RRP1B: variants seen among roughly 807,000 people sequenced by gnomAD.
RRP1B encodes ribosomal RNA processing protein 1 homolog B.
Under a neutral mutation model 80.2 loss-of-function variants are expected in RRP1B, and 56 were observed. That is an observed-to-expected ratio of 0.70 (90% confidence interval 0.56 to 0.87). The LOEUF (loss-of-function observed/expected upper bound fraction) is 0.87, where lower values mean the gene tolerates loss of function less well. Among genes scored for constraint, RRP1B ranks in the 40% least tolerant of loss-of-function variants. RRP1B has a pLI of 0.00. For missense variants in RRP1B, 807 were observed against 939.8 expected (o/e 0.86, Z 1.85); for synonymous variants, 351 against 357.6 (o/e 0.98, Z 0.21).
chr21:43,673,400 G>A (rs868456591), intron 3 of RRP1B, among the ~76,000 whole-genome samples: 10 of 152,156 alleles, frequency 6.6e-5, no homozygotes, highest in Non-Finnish European at 8.8e-5. Flanking sequence ...TTGGGAGGCC[G>A]AGGTGGGTGG....
chr21:43,675,769 A>C (rs1463074722), intron 6 of RRP1B, among the ~76,000 whole-genome samples: 2 of 152,196 alleles, frequency 1.3e-5, no homozygotes, highest in Non-Finnish European at 2.9e-5. Context: ...TGAGAGCTGC[A>C]TGGGGCCCAG....
chr21:43,666,900 G>GA (rs35446318), intron 1 of RRP1B, among the ~76,000 whole-genome samples: 108,776 of 152,036 alleles, frequency 0.72, 39,863 homozygotes, highest in African/African-American at 0.87. Context: ...TTATTTGTTG[G>GA]GGACATAGGT....
rs757524595 is a variant in RRP1B at position 43,676,256 on chromosome 21, T to G, written c.550-16T>G. On this transcript the variant is annotated splice_polypyrimidine_tract_variant and intron_variant, in intron 6 of 15. Transcript: ENST00000340648. The stretch of plus-strand genomic sequence containing the variant: ...GAAAGGCTCTTTCTCAATTTTTCCC[T>G]TTTTCTAAATTACAGCTTTTAGCAG... 6.3e-7 allele frequency: 1 copy of G among 1,588,000 alleles called. No homozygotes were observed. The highest frequency in any genetic ancestry group is 1.8e-5 in the Admixed American group (1 of 56,594).
chr21:43,676,194 T>C (rs1404234930), intron 6 of RRP1B, 78 bp from the exon 7 acceptor site: 1 of 1,052,794 alleles, frequency 9.5e-7, no homozygotes, highest in Non-Finnish European at 1.4e-6. Flanking sequence ...TTGTAAAAGA[T>C]GGGAATGGTC....
intron 8 of RRP1B, 62 bp downstream of exon 8, chr21:43,676,976 G>A: frequency 6.6e-7 from 1 of 1,503,828 alleles, no homozygotes; most frequent in Non-Finnish European, 9.1e-7. Context: ...CAGACAAACA[G>A]TTTTTAATAC....
chr21:43,673,202 A>G (rs1047453321), intron 3 of RRP1B, among the ~76,000 whole-genome samples: 1 of 152,242 alleles, frequency 6.6e-6, no homozygotes, highest in African/African-American at 2.4e-5. Context: ...AGGAAGAGTT[A>G]CTAGAAGTGG....
chr21:43,690,521 CG>C, intron 14 of RRP1B, 81 bp downstream of exon 14: 2 of 1,500,396 alleles, frequency 1.3e-6, no homozygotes, highest in Non-Finnish European at 1.8e-6. Flanking sequence ...CTTCCCATGC[CG>C]GGCCTGGAGC....
At position 43,686,649 on chromosome 21, in the gene RRP1B, G is replaced by T. The variant is rs79791680; in HGVS notation, c.1010-155G>T. The T allele has an allele frequency of 9.0e-3, 7,285 of 811,694 alleles. 397 individuals carry two copies. In the African/African-American group the frequency reaches 0.11, roughly 13 times the overall value. The allele number at this position is 811,694 out of a possible 1,614,324, so 50.3% of individuals were successfully genotyped here. A position where few individuals can be genotyped will look rare whatever the true frequency, so the allele number is the denominator to read the frequency against. On this transcript the variant is annotated intron_variant, in intron 11 of 15. Transcript: ENST00000340648. ...AAATCCACAAAGCTTTTTTAAGTCT[G>T]TAATTCCTGTGTCAGCAGCGCTCAG...
At chr21:43,674,043 G>A in intron 4 of RRP1B, 88 bp downstream of exon 4, 1 of 957,440 alleles carries the variant, frequency 1.0e-6, no homozygotes, top group South Asian at 1.6e-5. Flanking sequence ...TATTTGTGAA[G>A]CAAAACAAGC....
In RRP1B at chr21:43,691,598, G is replaced by A; in HGVS notation, c.2083+96G>A. 2 of 1,015,032 alleles carry A rather than the reference G, an allele frequency of 2.0e-6. No individual in the cohort carries two copies. Among genetic ancestry groups the A allele is most frequent in the East Asian group, 4.8e-5 (2 of 41,456 alleles). The allele number at this position is 1,015,032 out of a possible 1,614,324, so 62.9% of individuals were successfully genotyped here. A position where few individuals can be genotyped will look rare whatever the true frequency, so the allele number is the denominator to read the frequency against. ...GGTTCCACAAGGCGGTCGGGGAAGAGGGGGGTCCTAGCTCCTCACTGCCCA... is the reference window on the plus strand; with the variant it reads ...GGTTCCACAAGGCGGTCGGGGAAGAAGGGGGTCCTAGCTCCTCACTGCCCA... On this transcript the variant is annotated intron_variant, in intron 15 of 15. Coordinates refer to ENST00000340648, the MANE Select transcript of RRP1B (RefSeq NM_015056.3). This position sits in a 1 kb window ranked among gnomAD's most constrained non-coding sequence, Gnocchi z 4.2.
At position 43,686,328 on chromosome 21, in the gene RRP1B, C is replaced by CT. The variant is rs1347531762; in HGVS notation, c.1010-475dup. On this transcript the variant is annotated intron_variant, in intron 11 of 15. Transcript: ENST00000340648. ...TTTAACTAGATGGATTTTCAATGGCCTAGGAAGGTTTTAATTGGATACTCT... is the reference window on the plus strand; with the variant it reads ...TTTAACTAGATGGATTTTCAATGGCCTTAGGAAGGTTTTAATTGGATACTCT... The CT allele has an allele frequency of 1.9e-5, 3 of 160,850 alleles. No homozygotes were observed. The East Asian group carries it at 5.3e-4, about 29-fold the overall frequency. 10.0% of individuals were successfully genotyped at this position (160,850 alleles called of 1,614,324 possible).
chr21:43,691,584 G>A lies in RRP1B; in HGVS notation c.2083+82G>A, dbSNP rs906103357. On this transcript the variant is annotated intron_variant, in intron 15 of 15. Transcript: ENST00000340648. The surrounding 1 kb of genome is among the most constrained non-coding windows in gnomAD (Gnocchi z 4.2). ...GCGGCTCGCAGCCTGGTTCCACAAG[G>A]CGGTCGGGGAAGAGGGGGGTCCTAG... The A allele has an allele frequency of 2.4e-6, 3 of 1,270,986 alleles. No homozygotes were observed. The highest frequency in any genetic ancestry group is 3.4e-6 in the Non-Finnish European group (3 of 873,276). The allele number at this position is 1,270,986 out of a possible 1,614,324, so 78.7% of individuals were successfully genotyped here.
At chr21:43,674,586 C>CTTT (rs33994751) in intron 4 of RRP1B, 50 bp from the exon 5 acceptor site, 13,923 of 389,870 alleles carry the variant, frequency 0.036, 297 homozygotes, top group East Asian at 0.05. Context: ...CTTACCTTTC[C>CTTT]TTTTTTTTTT....
chr21:43,693,179 A>G lies in RRP1B; in HGVS notation c.2084-11A>G, dbSNP rs768560294. 10 of 1,613,840 alleles carry G rather than the reference A, an allele frequency of 6.2e-6. No homozygotes were observed. Among genetic ancestry groups the G allele is most frequent in the Non-Finnish European group, 8.5e-6 (10 of 1,179,896 alleles). On this transcript the variant is annotated splice_polypyrimidine_tract_variant and intron_variant, in intron 15 of 15. Coordinates refer to ENST00000340648, the MANE Select transcript of RRP1B (RefSeq NM_015056.3). This position sits in a 1 kb window ranked among gnomAD's most constrained non-coding sequence, Gnocchi z 4.1. ...CCACTTAATATGGGGCCTTGCTCTC[A>G]TTTGGGACAGAATTCAAGAAGACAG...
intron 3 of RRP1B, among the ~76,000 whole-genome samples, chr21:43,673,255 G>A (rs1265529953): frequency 2.0e-5 from 3 of 152,200 alleles, no homozygotes; most frequent in Non-Finnish European, 2.9e-5. Context: ...CTTTGCAGTG[G>A]ATAAAGGAAA....
At chr21:43,674,586 C>CT (rs33994751) in intron 4 of RRP1B, 50 bp from the exon 5 acceptor site, 42,810 of 389,878 alleles carry the variant, frequency 0.11, 1,269 homozygotes, top group East Asian at 0.16. Flanking sequence ...CTTACCTTTC[C>CT]TTTTTTTTTT....
chr21:43,675,454 C>T (rs562782275), intron 6 of RRP1B, among the ~76,000 whole-genome samples: 16 of 152,136 alleles, frequency 1.1e-4, no homozygotes, highest in Admixed American at 4.6e-4. Flanking sequence ...CTTTATAAAG[C>T]GCTAGGAAAA....
At chr21:43,662,481 T>G (rs2082961540) in intron 1 of RRP1B, among the ~76,000 whole-genome samples, 1 of 152,242 alleles carries the variant, frequency 6.6e-6, no homozygotes, top group Non-Finnish European at 1.5e-5. Context: ...TGGCCTGACA[T>G]TCGACTCCCG....
intron 8 of RRP1B, 82 bp from the exon 9 acceptor site, chr21:43,683,197 A>C (rs946720405): frequency 8.7e-7 from 1 of 1,148,976 alleles, no homozygotes. Flanking sequence ...GAGACACCTA[A>C]TTAGACAGTG....
Sources: allele counts gnomAD v4.1 joint callset (sites outside exome capture counted in the v4.1 genomes callset), GRCh38; gene constraint gnomAD v4.1.1; non-coding constraint Gnocchi (gnomAD v3.1); transcripts MANE v1.5; gene names NCBI Gene and HGNC (gene_info 2026-07-23, HGNC 2026-07-21).